Variants in PDE4D observed in about 807,000 individuals in gnomAD.
PDE4D encodes phosphodiesterase 4D.
In PDE4D, 24 loss-of-function variants were observed where a neutral mutation model predicts 87.4. The ratio of observed to expected loss-of-function variants is 0.27; its 90% CI spans 0.20 to 0.39. The LOEUF (loss-of-function observed/expected upper bound fraction) is 0.39, where lower values mean the gene tolerates loss of function less well. Ranked by LOEUF, PDE4D falls within the 10% of genes least tolerant of loss-of-function variation. The probability of loss-of-function intolerance (pLI) is 1.00; values close to 1 mark genes in which losing one functional copy is unlikely to be tolerated. For missense variants in PDE4D, 714 were observed against 1,041.0 expected (o/e 0.69, Z 4.32); for synonymous variants, 384 against 383.2 (o/e 1.00, Z -0.02).
chr5:59,518,150 A>G (rs1360310496), intron 1 of PDE4D, among the ~76,000 whole-genome samples: 1 of 151,686 alleles, frequency 6.6e-6, no homozygotes, highest in Non-Finnish European at 1.5e-5. Context: ...TGATTAATTT[A>G]TCCTACCAGA....
Position 60,100,809 on chromosome 5 carries a change from G to A in PDE4D, c.42+84748C>T, listed in dbSNP as rs186082188. Among the ~76,000 whole-genome samples the A allele has an allele frequency of 2.6e-3, 401 of 152,188 alleles. 3 individuals are homozygous for A. Among genetic ancestry groups the A allele is most frequent in the African/African-American group, 9.3e-3 (386 of 41,554 alleles). The stretch of plus-strand genomic sequence containing the variant: ...ACCATGGGCATATATCAGCTCTTAG[G>A]AAATATGTTCACACATACACACTGT... On this transcript the variant is annotated intron_variant, in intron 2 of 16. Transcript: ENST00000502484.
chr5:60,283,566 G>A (rs1752144307), intron 1 of PDE4D, among the ~76,000 whole-genome samples: 2 of 152,112 alleles, frequency 1.3e-5, no homozygotes, highest in African/African-American at 4.8e-5. Flanking sequence ...TCCCAAATAT[G>A]TTAGCAAATT....
At chr5:59,743,642 GAACT>G (rs201613202) in intron 1 of PDE4D, among the ~76,000 whole-genome samples, 2,202 of 152,130 alleles carry the variant, frequency 0.014, 29 homozygotes, top group Non-Finnish European at 0.023. Context: ...ATTAAAAATA[GAACT>G]ATCTTAAGAC....
At chr5:59,299,882 G>A (rs533105737) in intron 1 of PDE4D, among the ~76,000 whole-genome samples, 1 of 152,280 alleles carries the variant, frequency 6.6e-6, no homozygotes, top group East Asian at 1.9e-4. Flanking sequence ...GGCCGAGGTG[G>A]GCAGATCACC....
At chr5:59,368,442 C>A (rs1389744841) in intron 1 of PDE4D, among the ~76,000 whole-genome samples, 1 of 152,142 alleles carries the variant, frequency 6.6e-6, no homozygotes, top group Non-Finnish European at 1.5e-5. Context: ...ATGCATTAGG[C>A]ACCTGAAATT....
intron 2 of PDE4D, among the ~76,000 whole-genome samples, chr5:60,138,734 T>C (rs1258535195): frequency 6.6e-6 from 1 of 152,082 alleles, no homozygotes; most frequent in East Asian, 1.9e-4. Flanking sequence ...CTATGTGACT[T>C]CTGTGGCCAC....
chr5:59,236,402 G>A (rs954018475), intron 1 of PDE4D, among the ~76,000 whole-genome samples: 3 of 152,150 alleles, frequency 2.0e-5, no homozygotes, highest in African/African-American at 7.2e-5. Flanking sequence ...TATCACTTTG[G>A]AGAGGCTTTT....
intron 2 of PDE4D, among the ~76,000 whole-genome samples, chr5:60,018,615 C>A (rs1765747641): frequency 6.6e-6 from 1 of 152,054 alleles, no homozygotes; most frequent in African/African-American, 2.4e-5. Flanking sequence ...CAAAGATACA[C>A]AAAGGCTCAA....
intron 5 of PDE4D, among the ~76,000 whole-genome samples, chr5:59,168,710 A>G (rs1414127876): frequency 6.6e-6 from 1 of 152,142 alleles, no homozygotes; most frequent in Non-Finnish European, 1.5e-5. Flanking sequence ...AGGAGAGAGA[A>G]AAAAAAGAAG....
chr5:60,109,830 G>A (rs1345168937), intron 2 of PDE4D, among the ~76,000 whole-genome samples: 1 of 151,412 alleles, frequency 6.6e-6, no homozygotes, highest in African/African-American at 2.4e-5. Context: ...ATGGACACAG[G>A]AAGGGGAACA....
chr5:59,074,434 C>G (rs1038209593), intron 5 of PDE4D, among the ~76,000 whole-genome samples: 1 of 151,976 alleles, frequency 6.6e-6, no homozygotes, highest in African/African-American at 2.4e-5. Context: ...AATCCAAAAG[C>G]CATAGAAGGT....
At chr5:59,198,772 T>C (rs1227749882) in intron 2 of PDE4D, among the ~76,000 whole-genome samples, 2 of 152,190 alleles carry the variant, frequency 1.3e-5, no homozygotes, top group Non-Finnish European at 2.9e-5. Context: ...TTTATCACGT[T>C]ATTTTCTACC....
chr5:59,398,053 G>A (rs879791871), intron 1 of PDE4D, among the ~76,000 whole-genome samples: 1 of 139,476 alleles, frequency 7.2e-6, no homozygotes, highest in African/African-American at 2.7e-5. Flanking sequence ...TCTCTGAATA[G>A]ACCAATAACA....
At chr5:59,771,531 A>AAAGAAAG (rs1561638335) in intron 1 of PDE4D, among the ~76,000 whole-genome samples, 28 of 147,736 alleles carry the variant, frequency 1.9e-4, no homozygotes, top group African/African-American at 7.4e-4. Context: ...AGAAAGAAAG[A>AAAGAAAG]AAGAAAGAAA....
chr5:59,878,739 A>G (rs1275846843), intron 1 of PDE4D, among the ~76,000 whole-genome samples: 1 of 151,948 alleles, frequency 6.6e-6, no homozygotes, highest in Non-Finnish European at 1.5e-5. Flanking sequence ...TCTTAAATTC[A>G]TCTCTTTACT....
chr5:59,339,050 A>AT (rs1778248362), intron 1 of PDE4D, among the ~76,000 whole-genome samples: 1 of 152,132 alleles, frequency 6.6e-6, no homozygotes. Flanking sequence ...ACTTTTCCAA[A>AT]TCCCAAGTCC....
intron 1 of PDE4D, among the ~76,000 whole-genome samples, chr5:59,739,010 T>C (rs553584654): frequency 1.2e-4 from 19 of 152,260 alleles, no homozygotes; most frequent in African/African-American, 4.1e-4. Flanking sequence ...ATGAAAGTCA[T>C]AGATCAAATT....
At position 59,000,437 on chromosome 5, in the gene PDE4D, C is replaced by T. The variant is rs191558652; in HGVS notation, c.922-6972G>A. Reference sequence around the variant, plus strand: ...ATAAAAGCATAGGGATTAAACAATACGACTAATGTCCAGAATTCACAGATG... The same window carrying T: ...ATAAAAGCATAGGGATTAAACAATATGACTAATGTCCAGAATTCACAGATG... On this transcript the variant is annotated intron_variant, in intron 6 of 14. Transcript: ENST00000340635. Among the ~76,000 whole-genome samples the T allele has an allele frequency of 6.6e-5, 10 of 152,278 alleles. No individual in the cohort carries two copies. The East Asian group carries it at 1.5e-3, about 24-fold the overall frequency.
chr5:59,694,461 A>T (rs1433903951), intron 1 of PDE4D, among the ~76,000 whole-genome samples: 1 of 152,228 alleles, frequency 6.6e-6, no homozygotes, highest in Non-Finnish European at 1.5e-5. Context: ...TACTTGAAAC[A>T]ACTATTAAAT....
Sources: allele counts gnomAD v4.1 joint callset (sites outside exome capture counted in the v4.1 genomes callset), GRCh38; gene constraint gnomAD v4.1.1; transcripts MANE v1.5; gene names NCBI Gene and HGNC (gene_info 2026-07-23, HGNC 2026-07-21).